The following TOM1L2 variants were observed in gnomAD, a reference collection of about 807,000 sequenced individuals.
TOM1L2 encodes the protein target of myb1 like 2 membrane trafficking protein, also known as TOM1-like protein 2.
In TOM1L2, 31 loss-of-function variants were observed where a neutral mutation model predicts 67.9. That is an observed-to-expected ratio of 0.46 (90% CI 0.34 to 0.62). The LOEUF (loss-of-function observed/expected upper bound fraction) is 0.62. TOM1L2 is among the 20% of genes least tolerant of loss of function. The probability of loss-of-function intolerance (pLI) is 0.01; values close to 1 mark genes in which losing one functional copy is unlikely to be tolerated. For missense variants in TOM1L2, 606 were observed against 663.5 expected (o/e 0.91, Z 0.95); for synonymous variants, 256 against 254.0 (o/e 1.01, Z -0.07).
At chr17:17,897,908 T>C (rs2038652584) in intron 3 of TOM1L2, among the ~76,000 whole-genome samples, 3 of 151,066 alleles carry the variant, frequency 2.0e-5, no homozygotes, top group Admixed American at 1.3e-4. Context: ...AGGTACTCAA[T>C]AGGTGGAAGT....
At chr17:17,849,479 G>C (rs1050279434) in intron 13 of TOM1L2, among the ~76,000 whole-genome samples, 34 of 152,236 alleles carry the variant, frequency 2.2e-4, no homozygotes, top group Non-Finnish European at 4.3e-4. Flanking sequence ...CTCCTCCCGT[G>C]GCCCAGATTA....
chr17:17,889,719 C>T lies in TOM1L2; in HGVS notation c.366+3942G>A, dbSNP rs551080880. Among the ~76,000 whole-genome samples the T allele has an allele frequency of 3.9e-4, 59 of 152,348 alleles. 1 individual carries two copies. Among genetic ancestry groups the T allele is most frequent in the African/African-American group, 1.4e-3 (57 of 41,578 alleles). Reference sequence around the variant, plus strand: ...GAAAGGTTAAGGCTGTACCCCACTCCACCCCCAAGCCACAAACAGTCAAAA... The same window carrying T: ...GAAAGGTTAAGGCTGTACCCCACTCTACCCCCAAGCCACAAACAGTCAAAA... On this transcript the variant is annotated intron_variant, in intron 4 of 14. Transcript: ENST00000379504.
chr17:17,951,840 C>T (rs1222864812), intron 1 of TOM1L2, among the ~76,000 whole-genome samples: 1 of 152,168 alleles, frequency 6.6e-6, no homozygotes, highest in Middle Eastern at 3.2e-3. Context: ...CAACCAAATG[C>T]CTTTTCCCCT....
intron 1 of TOM1L2, among the ~76,000 whole-genome samples, chr17:17,907,998 C>A (rs1483706087): frequency 1.3e-5 from 2 of 152,178 alleles, no homozygotes; most frequent in African/African-American, 2.4e-5. Flanking sequence ...ACACTTAGAA[C>A]AGAGCCTAGC....
At chr17:17,888,601 G>A (rs1420197475) in intron 4 of TOM1L2, among the ~76,000 whole-genome samples, 4 of 152,160 alleles carry the variant, frequency 2.6e-5, no homozygotes, top group African/African-American at 4.8e-5. Flanking sequence ...AGGCTCTGAC[G>A]TCTTCAAAGA....
intron 1 of TOM1L2, among the ~76,000 whole-genome samples, chr17:17,963,719 C>G (rs1391028253): frequency 2.6e-5 from 4 of 152,190 alleles, no homozygotes; most frequent in African/African-American, 7.2e-5. Flanking sequence ...TATACTCTAC[C>G]ATGTGCTGTG....
intron 1 of TOM1L2, among the ~76,000 whole-genome samples, chr17:17,912,146 G>A (rs1318711468): frequency 6.6e-6 from 1 of 151,310 alleles, no homozygotes; most frequent in Non-Finnish European, 1.5e-5. Context: ...TGTCATCATG[G>A]CCGGTTCTCA....
At chr17:17,900,499 G>A (rs1156734285) in intron 2 of TOM1L2, among the ~76,000 whole-genome samples, 1 of 147,222 alleles carries the variant, frequency 6.8e-6, no homozygotes, top group African/African-American at 2.6e-5. Context: ...TCCAGCCTGG[G>A]TGACAGAGTA....
chr17:17,962,774 C>T (rs1568397710), intron 1 of TOM1L2, among the ~76,000 whole-genome samples: 2 of 152,016 alleles, frequency 1.3e-5, no homozygotes, highest in Admixed American at 6.5e-5. Context: ...ACCTGGCCAA[C>T]ATGGTGAAAC....
chr17:17,930,630 C>T (rs186319060), intron 1 of TOM1L2, among the ~76,000 whole-genome samples: 30 of 152,294 alleles, frequency 2.0e-4, no homozygotes, highest in African/African-American at 6.7e-4. Flanking sequence ...TATTAACTTT[C>T]CTTGTGATGG....
intron 4 of TOM1L2, among the ~76,000 whole-genome samples, chr17:17,885,924 CAAA>C (rs35579807): frequency 3.2e-4 from 21 of 66,224 alleles, no homozygotes; most frequent in African/African-American, 1.2e-3. Context: ...GACTCCGTCT[CAAA>C]AAAAAAAAAA....
intron 1 of TOM1L2, among the ~76,000 whole-genome samples, chr17:17,931,441 T>C (rs1254880473): frequency 6.6e-6 from 1 of 152,174 alleles, no homozygotes. Context: ...AATAACTAAA[T>C]GTCTCTGAGC....
chr17:17,848,835 C>T lies in TOM1L2; in HGVS notation c.1363G>A (p.Val455Ile). 6.2e-7 allele frequency: 1 copy of T among 1,614,180 alleles called. No individual in the cohort carries two copies. The highest frequency in any genetic ancestry group is 8.5e-7 in the Non-Finnish European group (1 of 1,180,026). Residue 455 changes from valine (V) to isoleucine (I), a missense_variant, in exon 14 of 15, where the codon GTC (valine) becomes ATC (isoleucine). Transcript: ENST00000379504. ...GGCCAGGCCATACCTTCACTTGTGACACCCTCCTCCAGATCATCACCCTTC... is the reference window on the plus strand; with the variant it reads ...GGCCAGGCCATACCTTCACTTGTGATACCCTCCTCCAGATCATCACCCTTC... ...DLKGDDLEEG[V>I]TSEEFDKFLE...
intron 1 of TOM1L2, among the ~76,000 whole-genome samples, chr17:17,944,830 G>C (rs1359737426): frequency 2.0e-5 from 3 of 152,170 alleles, no homozygotes; most frequent in Non-Finnish European, 4.4e-5. Flanking sequence ...CCTAACAGAG[G>C]AGAACAAATG....
At chr17:17,882,643 TC>T in intron 6 of TOM1L2, 61 bp downstream of exon 6, 3 of 1,593,192 alleles carry the variant, frequency 1.9e-6, no homozygotes, top group Non-Finnish European at 2.6e-6. Flanking sequence ...TGTAAGTGTC[TC>T]CCAGAAAGAT....
At chr17:17,943,699 A>C (rs2040826387) in intron 1 of TOM1L2, among the ~76,000 whole-genome samples, 1 of 152,066 alleles carries the variant, frequency 6.6e-6, no homozygotes. Flanking sequence ...CAAACAGAAA[A>C]TCTGATCTCA....
chr17:17,893,741 C>T lies in TOM1L2; in HGVS notation c.286G>A (p.Asp96Asn), dbSNP rs779535298. The change falls in exon 4 of 15, where the codon GAC (aspartate) becomes AAC (asparagine). Residue 96 changes from aspartate to asparagine, a missense_variant. Asp to Asn is a conservative substitution (Grantham distance 23, BLOSUM62 1). Transcript: ENST00000379504. ...GATATAATTTTGACCAGAACACTGT[C>T]GATGAAATCTCGGTTGGCCACAAGG... ...HILVANRDFI[D>N]SVLVKIISPK... is the part of the protein sequence containing the mutation. 11 of 1,613,940 alleles carry T rather than the reference C, an allele frequency of 6.8e-6. No individual in the cohort carries two copies. The highest frequency in any genetic ancestry group is 1.6e-4 in the Middle Eastern group (1 of 6,082).
At chr17:17,944,626 C>A (rs763761771) in intron 1 of TOM1L2, among the ~76,000 whole-genome samples, 6 of 152,196 alleles carry the variant, frequency 3.9e-5, no homozygotes, top group Non-Finnish European at 8.8e-5. Context: ...CACCAGGCAC[C>A]TGCTTCTCTT....
intron 4 of TOM1L2, among the ~76,000 whole-genome samples, chr17:17,885,713 A>T (rs1456667602): frequency 6.6e-6 from 1 of 152,084 alleles, no homozygotes; most frequent in African/African-American, 2.4e-5. Flanking sequence ...TCACGAGGTC[A>T]GGAGATCAAG....
Sources: gnomAD v4.1 joint callset for allele counts (sites outside exome capture counted in the v4.1 genomes callset) on GRCh38, gnomAD v4.1.1 for gene constraint, MANE v1.5 for transcripts, NCBI Gene and HGNC (gene_info 2026-07-23, HGNC 2026-07-21) for gene names.